SLC6A11: variants seen among roughly 807,000 people sequenced by gnomAD.
The protein encoded by SLC6A11 is sodium- and chloride-dependent GABA transporter 3.
Under a neutral mutation model 74.8 loss-of-function variants are expected in SLC6A11, and 25 were observed. The observed-to-expected ratio is 0.33, with a 90% CI of 0.24 to 0.47. The LOEUF is 0.47. Ranked by LOEUF, SLC6A11 falls within the 20% of genes least tolerant of loss-of-function variation. The pLI, the probability that SLC6A11 is intolerant of heterozygous loss-of-function variation, is 1.00. For synonymous variants in SLC6A11, 330 were observed against 330.2 expected (o/e 1.00, Z 0.01); for missense variants, 574 against 837.0 (o/e 0.69, Z 3.88).
chr3:10,879,315 C>T (rs1014067931), intron 6 of SLC6A11, among the ~76,000 whole-genome samples: 2 of 152,166 alleles, frequency 1.3e-5, no homozygotes, highest in East Asian at 1.9e-4. Flanking sequence ...ATAAGGATCG[C>T]GACCCCAAGA....
chr3:10,849,110 A>G (rs1694540525), intron 5 of SLC6A11, among the ~76,000 whole-genome samples: 1 of 152,208 alleles, frequency 6.6e-6, no homozygotes, highest in Non-Finnish European at 1.5e-5. Flanking sequence ...TTAGTTCTTC[A>G]TAGATATTTT....
chr3:10,873,697 CCT>C (rs1275575603), intron 5 of SLC6A11, among the ~76,000 whole-genome samples: 1 of 128,116 alleles, frequency 7.8e-6, no homozygotes, highest in African/African-American at 4.0e-5. Context: ...CCCATCCTAT[CCT>C]ATCCTATCCT....
intron 6 of SLC6A11, among the ~76,000 whole-genome samples, chr3:10,903,768 C>T (rs996582464): frequency 6.6e-6 from 1 of 152,170 alleles, no homozygotes; most frequent in Non-Finnish European, 1.5e-5. Flanking sequence ...CAATGCTCTC[C>T]AAGAGCCAGG....
At chr3:10,879,138 G>A (rs910094241) in intron 6 of SLC6A11, among the ~76,000 whole-genome samples, 1 of 152,138 alleles carries the variant, frequency 6.6e-6, no homozygotes, top group Non-Finnish European at 1.5e-5. Context: ...TTCACAAGAA[G>A]GTTCTCTTTA....
At chr3:10,895,069 A>G (rs989328015) in intron 6 of SLC6A11, among the ~76,000 whole-genome samples, 1 of 152,164 alleles carries the variant, frequency 6.6e-6, no homozygotes, top group African/African-American at 2.4e-5. Context: ...AGATGATAAT[A>G]GTACCAGCCT....
intron 6 of SLC6A11, among the ~76,000 whole-genome samples, chr3:10,884,453 T>C (rs1695018556): frequency 1.3e-5 from 2 of 152,234 alleles, no homozygotes; most frequent in African/African-American, 4.8e-5. Context: ...TTTTACATCA[T>C]CTTATAAGTC....
intron 5 of SLC6A11, among the ~76,000 whole-genome samples, chr3:10,863,509 C>G (rs1313766809): frequency 1.3e-5 from 2 of 152,190 alleles, no homozygotes; most frequent in Non-Finnish European, 2.9e-5. Flanking sequence ...ACACAGAGTG[C>G]CAGAGGCTGG....
chr3:10,859,829 G>T (rs997063188), intron 5 of SLC6A11, among the ~76,000 whole-genome samples: 11 of 152,176 alleles, frequency 7.2e-5, no homozygotes, highest in South Asian at 2.1e-4. Context: ...TTTACCAGAA[G>T]TATAAACACT....
chr3:10,839,685 G>A (rs963058914), intron 4 of SLC6A11, among the ~76,000 whole-genome samples: 43 of 152,194 alleles, frequency 2.8e-4, no homozygotes, highest in Non-Finnish European at 4.9e-4. Flanking sequence ...CTGTCTGCAC[G>A]TCTTTTCTGG....
chr3:10,828,488 G>C (rs1042002058), intron 4 of SLC6A11, among the ~76,000 whole-genome samples: 5 of 152,168 alleles, frequency 3.3e-5, no homozygotes, highest in Admixed American at 6.5e-5. Flanking sequence ...AGTGAAGGTT[G>C]GTTCTTTCTG....
intron 11 of SLC6A11, 142 bp from the exon 12 acceptor site, chr3:10,933,924 T>C: frequency 5.1e-6 from 3 of 588,108 alleles, no homozygotes; most frequent in Middle Eastern, 2.7e-4. Context: ...AACATCTCGG[T>C]CGTTGTTTAA....
At chr3:10,881,902 T>C (rs1329132694) in intron 6 of SLC6A11, among the ~76,000 whole-genome samples, 1 of 152,178 alleles carries the variant, frequency 6.6e-6, no homozygotes, top group Non-Finnish European at 1.5e-5. Context: ...GGCTCAGACA[T>C]GCCTATTTGC....
intron 6 of SLC6A11, among the ~76,000 whole-genome samples, chr3:10,897,637 G>A (rs1042770892): frequency 6.6e-6 from 1 of 152,204 alleles, no homozygotes; most frequent in African/African-American, 2.4e-5. Context: ...CTCCACCCCT[G>A]TGGCTTTGCA....
chr3:10,869,280 C>G (rs139012780), intron 5 of SLC6A11, among the ~76,000 whole-genome samples: 1 of 152,080 alleles, frequency 6.6e-6, no homozygotes, highest in Admixed American at 6.5e-5. Context: ...TCAGGGAGGA[C>G]GGGGCAATTC....
At chr3:10,822,882 T>G (rs1158983060) in intron 3 of SLC6A11, among the ~76,000 whole-genome samples, 2 of 152,194 alleles carry the variant, frequency 1.3e-5, no homozygotes, top group Non-Finnish European at 2.9e-5. Context: ...AAAGTAAAAC[T>G]GAGTCTCAGC....
rs80168749 is a variant in SLC6A11 at position 10,859,250 on chromosome 3, G to A, written c.756+14904G>A. ...ATTTGTGAAATAAGCAAGAGTATGA[G>A]TCAGCCCTCTGTGACCCAATGTAGA... On this transcript the variant is annotated intron_variant, in intron 5 of 13. Transcript: ENST00000254488. Among the ~76,000 whole-genome samples the A allele has an allele frequency of 6.7e-3, 1,024 of 152,298 alleles. 49 individuals carry two copies. In the South Asian group the frequency reaches 0.099, roughly 15 times the overall value.
chr3:10,922,114 C>T (rs917242343), intron 8 of SLC6A11, among the ~76,000 whole-genome samples: 4 of 152,130 alleles, frequency 2.6e-5, no homozygotes, highest in African/African-American at 7.2e-5. Flanking sequence ...ACAATACTAT[C>T]AACCACAATG....
intron 10 of SLC6A11, among the ~76,000 whole-genome samples, chr3:10,932,708 T>A (rs1575708985): frequency 6.6e-6 from 1 of 151,900 alleles, no homozygotes; most frequent in Non-Finnish European, 1.5e-5. Context: ...AGCCAGAGGG[T>A]CACTTTAAAC....
chr3:10,871,461 A>G (rs1182874754), intron 5 of SLC6A11, among the ~76,000 whole-genome samples: 1 of 152,150 alleles, frequency 6.6e-6, no homozygotes, highest in Admixed American at 6.5e-5. Flanking sequence ...ACAGAGACAA[A>G]AGTGGAAATT....
Sources: gnomAD v4.1 joint callset for allele counts (sites outside exome capture counted in the v4.1 genomes callset) on GRCh38, gnomAD v4.1.1 for gene constraint, MANE v1.5 for transcripts, NCBI Gene and HGNC (gene_info 2026-07-23, HGNC 2026-07-21) for gene names.